Variants in CYSLTR1 observed in about 807,000 individuals in gnomAD.
The protein encoded by CYSLTR1 is cysteinyl leukotriene receptor 1.
CYSLTR1 carries 1 observed loss-of-function variant against 2.1 expected under a neutral mutation model. The observed-to-expected ratio is 0.48, with a 90% CI of 0.17 to 2.28. The LOEUF is 2.28. Among genes scored for constraint, CYSLTR1 ranks in the 30% most tolerant of loss-of-function variants. The pLI is 0.26. For missense variants in CYSLTR1, 299 were observed against 250.1 expected (o/e 1.20, Z -1.32); for synonymous variants, 110 against 89.6 (o/e 1.23, Z -1.28).
intron 1 of CYSLTR1, among the ~76,000 whole-genome samples, chrX:78,308,390 C>G (rs1923105191): frequency 9.0e-6 from 1 of 111,679 alleles, no homozygotes; most frequent in African/African-American, 3.3e-5. Context: ...TTTACCTAAG[C>G]CTTAATTACC....
chrX:78,274,742 C>T (rs1283230194), intron 2 of CYSLTR1, among the ~76,000 whole-genome samples: 1 of 110,502 alleles, frequency 9.0e-6, no homozygotes, highest in Non-Finnish European at 1.9e-5. Context: ...ATCTAATTAA[C>T]TAAAGAGCTT....
At chrX:78,289,166 A>ACCC (rs1490136777) in intron 1 of CYSLTR1, among the ~76,000 whole-genome samples, 1 of 98,479 alleles carries the variant, frequency 1.0e-5, no homozygotes, top group Non-Finnish European at 2.0e-5. Context: ...CCCTGTGTCC[A>ACCC]AGTGTTCTCA....
chrX:78,288,213 A>T (rs1362028205), intron 1 of CYSLTR1, among the ~76,000 whole-genome samples: 1 of 110,404 alleles, frequency 9.1e-6, no homozygotes, highest in Non-Finnish European at 1.9e-5. Context: ...TTGAAAAAAA[A>T]AATAAGGTGC....
intron 1 of CYSLTR1, among the ~76,000 whole-genome samples, chrX:78,291,790 T>C (rs1461561330): frequency 9.0e-6 from 1 of 111,523 alleles, no homozygotes; most frequent in Non-Finnish European, 1.9e-5. Context: ...TTTGTATTGC[T>C]GTGGGGTCAG....
chrX:78,287,076 A>G (rs1270571477), intron 1 of CYSLTR1, among the ~76,000 whole-genome samples: 1 of 111,720 alleles, frequency 9.0e-6, no homozygotes, highest in Non-Finnish European at 1.9e-5. Flanking sequence ...CATCAAATAT[A>G]TGCTTTGCAA....
At chrX:78,310,899 CGT>C (rs745711576) in intron 1 of CYSLTR1, among the ~76,000 whole-genome samples, 20 of 106,587 alleles carry the variant, frequency 1.9e-4, no homozygotes, top group South Asian at 4.0e-4. Flanking sequence ...GGTGTGTGGG[CGT>C]GTGTGTGTGT....
At chrX:78,314,666 C>T (rs1469850440) in intron 1 of CYSLTR1, among the ~76,000 whole-genome samples, 1 of 110,941 alleles carries the variant, frequency 9.0e-6, no homozygotes, top group Non-Finnish European at 1.9e-5. Flanking sequence ...CCTATTAGAG[C>T]AGAAAGAAGA....
intron 1 of CYSLTR1, among the ~76,000 whole-genome samples, chrX:78,294,512 A>G (rs766045355): frequency 8.9e-6 from 1 of 112,331 alleles, no homozygotes; most frequent in Non-Finnish European, 1.9e-5. Flanking sequence ...CTTTCTTTGG[A>G]GCTGTCAGAC....
chrX:78,320,816 AG>A (rs772857773), intron 1 of CYSLTR1: 1 of 111,315 alleles, frequency 9.0e-6, no homozygotes, highest in Admixed American at 9.5e-5. Context: ...CTCCTTGAAG[AG>A]GTCCTTCACA....
rs143852533 is a variant in CYSLTR1, at chrX:78,273,183, G to C, written c.564C>G (p.Val188=). Residue 188 remains valine, a synonymous_variant, in exon 3 of 3, where the codon GTC becomes GTG. Coordinates refer to ENST00000373304, the MANE Select transcript of CYSLTR1 (RefSeq NM_006639.4). The part of the protein sequence containing the change: ...QDNQTKNHVL[V]LHYVSLFVGF... ...CAACAAACAATGACACATAATGCAA[G>C]ACCAAAACATGATTTTTAGTTTGAT... 5.0e-6 allele frequency: 6 copies of C among 1,208,156 alleles called. No individual in the cohort carries two copies. In the African/African-American group the frequency reaches 8.8e-5, roughly 18 times the overall value.
At chrX:78,296,801 A>G (rs373744442) in intron 1 of CYSLTR1, among the ~76,000 whole-genome samples, 1 of 111,733 alleles carries the variant, frequency 8.9e-6, no homozygotes, top group East Asian at 2.8e-4. Context: ...TGGAATCTTT[A>G]GGTTTTTCCA....
chrX:78,295,812 G>A lies in CYSLTR1; in HGVS notation c.-114-12272C>T, dbSNP rs182773625. Among the ~76,000 whole-genome samples, 420 of 111,291 alleles carry A rather than the reference G, an allele frequency of 3.8e-3. 1 individual carries two copies. The highest frequency in any genetic ancestry group is 0.013 in the African/African-American group (402 of 30,643). On this transcript the variant is annotated intron_variant, in intron 1 of 2. Coordinates refer to ENST00000373304, the MANE Select transcript of CYSLTR1 (RefSeq NM_006639.4). The stretch of plus-strand genomic sequence containing the variant: ...TGGTTATAAATCTCTTGTCATATGG[G>A]TAGTTTGCAAATATTTTCTCCCAAT...
rs1190086734 is a variant in CYSLTR1 at position 78,272,973 on chromosome X, A to G, written c.774T>C (p.His258=). Residue 258 remains histidine (H), a synonymous_variant, in exon 3 of 3, where the codon CAT becomes CAC. Transcript: ENST00000373304. ...AGGGTTTAGTTTCATTGTGTAAAAA[A>G]TGAAGGTGAATGGTACGTTGAATAT... ...PYHIQRTIHL[H]FLHNETKPCD... is the part of the protein sequence containing the mutation. 1 of 1,209,824 alleles carries G rather than the reference A, an allele frequency of 8.3e-7. No individual in the cohort carries two copies. Among genetic ancestry groups the G allele is most frequent in the Non-Finnish European group, 1.1e-6 (1 of 895,134 alleles).
At chrX:78,300,963 C>A (rs1261341041) in intron 1 of CYSLTR1, among the ~76,000 whole-genome samples, 1 of 112,376 alleles carries the variant, frequency 8.9e-6, no homozygotes, top group Non-Finnish European at 1.9e-5. Context: ...TGTCCACCCA[C>A]AGGCTCAACA....
intron 1 of CYSLTR1, chrX:78,319,488 C>T (rs1224386357): frequency 1.8e-5 from 2 of 110,071 alleles, no homozygotes; most frequent in Non-Finnish European, 3.8e-5. Flanking sequence ...TGTATATGTG[C>T]CACATTTTCT....
At chrX:78,313,354 A>G (rs1603411950) in intron 1 of CYSLTR1, among the ~76,000 whole-genome samples, 1 of 110,790 alleles carries the variant, frequency 9.0e-6, no homozygotes, top group East Asian at 2.8e-4. Flanking sequence ...AAAAATACCT[A>G]TTGGGTACTA....
chrX:78,273,538 A>T lies in CYSLTR1; in HGVS notation c.209T>A (p.Leu70Gln), dbSNP rs151006968. The stretch of plus-strand genomic sequence containing the variant: ...GAGAGGCAGTGTGCACACACAAAGT[A>T]GATCTGCTACTGCTAAATTAATCAT... ...VYMINLAVAD[L>Q]LCVCTLPLRV... The change falls in exon 3 of 3, where the codon CTA (leucine) becomes CAA (glutamine). Residue 70 changes from leucine to glutamine, a missense_variant. Coordinates refer to ENST00000373304, the MANE Select transcript of CYSLTR1 (RefSeq NM_006639.4). 1 of 1,211,840 alleles carries T rather than the reference A, an allele frequency of 8.3e-7. No individual in the cohort carries two copies. The highest frequency in any genetic ancestry group is 1.1e-6 in the Non-Finnish European group (1 of 895,465).
chrX:78,301,337 AC>A, intron 1 of CYSLTR1, among the ~76,000 whole-genome samples: 1 of 112,040 alleles, frequency 8.9e-6, no homozygotes, highest in East Asian at 2.8e-4. Context: ...AAATTTTCTG[AC>A]CTTTTATGCT....
chrX:78,308,222 A>G (rs1294294696), intron 1 of CYSLTR1, among the ~76,000 whole-genome samples: 1 of 111,920 alleles, frequency 8.9e-6, no homozygotes, highest in Non-Finnish European at 1.9e-5. Context: ...ATTCTTAGTG[A>G]GTAGAATGAA....
Sources: allele counts gnomAD v4.1 joint callset (sites outside exome capture counted in the v4.1 genomes callset), GRCh38; gene constraint gnomAD v4.1.1; transcripts MANE v1.5; gene names NCBI Gene and HGNC (gene_info 2026-07-23, HGNC 2026-07-21).